Variants in ASIC2 observed in about 807,000 individuals in gnomAD.
ASIC2 encodes acid-sensing ion channel 2.
In ASIC2, 25 loss-of-function variants were observed where a neutral mutation model predicts 57.3. The observed-to-expected ratio is 0.44, with a 90% CI of 0.32 to 0.61. The LOEUF (loss-of-function observed/expected upper bound fraction) is 0.61. Among genes scored for constraint, ASIC2 ranks in the 20% least tolerant of loss-of-function variants. The probability of loss-of-function intolerance (pLI) is 0.06; values close to 1 mark genes in which losing one functional copy is unlikely to be tolerated. For missense variants in ASIC2, 641 were observed against 738.1 expected (o/e 0.87, Z 1.52); for synonymous variants, 319 against 307.5 (o/e 1.04, Z -0.39).
chr17:33,468,563 C>CT (rs1385394137), intron 1 of ASIC2, among the ~76,000 whole-genome samples: 1 of 151,990 alleles, frequency 6.6e-6, no homozygotes, highest in South Asian at 2.1e-4. Context: ...TTTCATGATA[C>CT]TTTTTTTCCA....
intron 1 of ASIC2, among the ~76,000 whole-genome samples, chr17:33,187,078 C>T (rs1387360225): frequency 6.6e-6 from 1 of 152,280 alleles, no homozygotes; most frequent in Non-Finnish European, 1.5e-5. Flanking sequence ...TGCTGCCAGT[C>T]TGATCCACTA....
intron 1 of ASIC2, among the ~76,000 whole-genome samples, chr17:33,443,406 A>ATTTTTTTTTTTTTTTTT (rs779597047): frequency 1.1e-4 from 8 of 75,262 alleles, no homozygotes; most frequent in Admixed American, 3.6e-4. Context: ...GGAGGGTAAG[A>ATTTTTTTTTTTTTTTTT]TTTTTTTTTT....
intron 1 of ASIC2, among the ~76,000 whole-genome samples, chr17:33,663,124 A>G (rs1907347832): frequency 6.6e-6 from 1 of 152,214 alleles, no homozygotes; most frequent in Non-Finnish European, 1.5e-5. Flanking sequence ...ATCTCATTTC[A>G]TCTTCAAAAT....
At chr17:34,042,687 AT>A (rs1243192304) in intron 1 of ASIC2, among the ~76,000 whole-genome samples, 1 of 152,196 alleles carries the variant, frequency 6.6e-6, no homozygotes, top group African/African-American at 2.4e-5. Flanking sequence ...AAATTGTATA[AT>A]TTGGGATAGC....
chr17:33,346,226 CAAAAAAAA>C (rs57042563), intron 1 of ASIC2, among the ~76,000 whole-genome samples: 7 of 57,784 alleles, frequency 1.2e-4, no homozygotes, highest in East Asian at 6.1e-4. Context: ...GATTCCCTCT[CAAAAAAAA>C]AAAAAAAAAA....
chr17:34,010,157 T>C (rs1029943361), intron 1 of ASIC2, among the ~76,000 whole-genome samples: 2 of 152,132 alleles, frequency 1.3e-5, no homozygotes, highest in South Asian at 4.1e-4. Flanking sequence ...CCCTTAACTA[T>C]TGGGCAGTGG....
chr17:33,799,681 A>C (rs931933445), intron 1 of ASIC2, among the ~76,000 whole-genome samples: 3 of 151,690 alleles, frequency 2.0e-5, no homozygotes, highest in Non-Finnish European at 4.4e-5. Flanking sequence ...ATCCTAGTCC[A>C]AGAGGTAGGC....
intron 1 of ASIC2, among the ~76,000 whole-genome samples, chr17:33,393,292 G>T (rs1404069705): frequency 6.6e-6 from 1 of 152,080 alleles, no homozygotes; most frequent in East Asian, 1.9e-4. Flanking sequence ...CTGTATGAAT[G>T]ACCTGTTGTA....
chr17:34,057,548 T>C (rs1049156481), intron 1 of ASIC2, among the ~76,000 whole-genome samples: 4 of 152,102 alleles, frequency 2.6e-5, no homozygotes, highest in African/African-American at 7.2e-5. Flanking sequence ...TAATCAGATA[T>C]GTATTTTAGA....
At chr17:33,915,927 C>G (rs1461182748) in intron 1 of ASIC2, among the ~76,000 whole-genome samples, 2 of 152,124 alleles carry the variant, frequency 1.3e-5, no homozygotes, top group African/African-American at 2.4e-5. Context: ...CACTCAAGAG[C>G]ATGATGTCCA....
At chr17:33,053,283 T>C (rs1169106220) in intron 3 of ASIC2, among the ~76,000 whole-genome samples, 1 of 152,246 alleles carries the variant, frequency 6.6e-6, no homozygotes, top group Non-Finnish European at 1.5e-5. Context: ...ATTAACTACA[T>C]AGCACATTGC....
At chr17:33,030,848 C>T (rs1420790039) in intron 3 of ASIC2, among the ~76,000 whole-genome samples, 2 of 152,106 alleles carry the variant, frequency 1.3e-5, no homozygotes, top group Non-Finnish European at 2.9e-5. Context: ...ACTTACACTC[C>T]TGGGATAAAC....
chr17:33,194,633 A>C (rs536521263), intron 1 of ASIC2, among the ~76,000 whole-genome samples: 1 of 151,616 alleles, frequency 6.6e-6, no homozygotes, highest in Non-Finnish European at 1.5e-5. Flanking sequence ...AAGCCATTAC[A>C]TTTCCAGATT....
intron 1 of ASIC2, among the ~76,000 whole-genome samples, chr17:33,872,962 A>G (rs1914458845): frequency 6.6e-6 from 1 of 152,170 alleles, no homozygotes; most frequent in Non-Finnish European, 1.5e-5. Context: ...GTGGGGACTG[A>G]AGGCAGAAGC....
chr17:33,760,070 C>T (rs1422346152), intron 1 of ASIC2, among the ~76,000 whole-genome samples: 1 of 151,664 alleles, frequency 6.6e-6, no homozygotes, highest in African/African-American at 2.4e-5. Context: ...TTATGAGCAA[C>T]AAAAAGCAAA....
At chr17:33,983,838 G>A (rs1905714409) in intron 1 of ASIC2, among the ~76,000 whole-genome samples, 1 of 152,148 alleles carries the variant, frequency 6.6e-6, no homozygotes, top group Non-Finnish European at 1.5e-5. Flanking sequence ...CCAATGGGTA[G>A]AGGCCAGGGG....
At chr17:33,465,545 T>C (rs1245016079) in intron 1 of ASIC2, among the ~76,000 whole-genome samples, 1 of 152,100 alleles carries the variant, frequency 6.6e-6, no homozygotes, top group Non-Finnish European at 1.5e-5. Context: ...AGGTGAATTT[T>C]GTATTTTTAG....
chr17:34,137,925 G>T (rs1912168841), intron 1 of ASIC2, among the ~76,000 whole-genome samples: 2 of 152,018 alleles, frequency 1.3e-5, no homozygotes, highest in African/African-American at 4.8e-5. Flanking sequence ...CATCAGCTTG[G>T]GGTTAAGATT....
intron 1 of ASIC2, among the ~76,000 whole-genome samples, chr17:34,064,174 T>C (rs575690500): frequency 3.6e-4 from 55 of 152,174 alleles, no homozygotes; most frequent in African/African-American, 1.3e-3. Context: ...GGTATAAAAA[T>C]AGGCACATAG....
Sources: allele counts gnomAD v4.1 joint callset (sites outside exome capture counted in the v4.1 genomes callset), GRCh38; gene constraint gnomAD v4.1.1; transcripts MANE v1.5; gene names NCBI Gene and HGNC (gene_info 2026-07-23, HGNC 2026-07-21).